Variants in AGBL4 observed in about 807,000 individuals in gnomAD.
AGBL4 encodes the protein cytosolic carboxypeptidase 6.
In AGBL4, 58 loss-of-function variants were observed where a neutral mutation model predicts 66.4. The ratio of observed to expected loss-of-function variants is 0.87; its 90% confidence interval spans 0.71 to 1.09. The LOEUF (loss-of-function observed/expected upper bound fraction) is 1.09, where lower values mean the gene tolerates loss of function less well. Ranked by LOEUF, AGBL4 falls within the 50% of genes least tolerant of loss-of-function variation. The probability of loss-of-function intolerance (pLI) is 0.00; values close to 1 mark genes in which losing one functional copy is unlikely to be tolerated. For missense variants in AGBL4, 579 were observed against 631.0 expected (o/e 0.92, Z 0.88); for synonymous variants, 234 against 222.9 (o/e 1.05, Z -0.44).
intron 4 of AGBL4, among the ~76,000 whole-genome samples, chr1:49,152,123 T>C (rs200303314): frequency 1.3e-5 from 2 of 152,194 alleles, no homozygotes; most frequent in East Asian, 3.9e-4. Context: ...TCATTCCCAC[T>C]TAATGAAAAG....
At chr1:48,584,847 T>C (rs1031421467) in intron 11 of AGBL4, 2 of 152,244 alleles carry the variant, frequency 1.3e-5, no homozygotes, top group African/African-American at 4.8e-5. Flanking sequence ...ATGTTCTCTG[T>C]TACATTCCCT....
At chr1:49,639,722 G>A (rs927990851) in intron 3 of AGBL4, among the ~76,000 whole-genome samples, 5 of 152,160 alleles carry the variant, frequency 3.3e-5, no homozygotes, top group Admixed American at 2.0e-4. Context: ...GAACAGGGGA[G>A]CAAATATGTA....
At chr1:48,692,745 T>C (rs1383799717) in intron 6 of AGBL4, among the ~76,000 whole-genome samples, 4 of 152,180 alleles carry the variant, frequency 2.6e-5, no homozygotes, top group Non-Finnish European at 5.9e-5. Flanking sequence ...CAGGTATCAG[T>C]TGTAGGCTAG....
chr1:49,420,277 G>A (rs538876605), intron 3 of AGBL4, among the ~76,000 whole-genome samples: 1 of 152,266 alleles, frequency 6.6e-6, no homozygotes, highest in East Asian at 1.9e-4. Context: ...CTATATCAAG[G>A]TATGAAATTG....
intron 2 of AGBL4, among the ~76,000 whole-genome samples, chr1:49,758,205 G>C (rs1652038095): frequency 2.0e-5 from 3 of 152,168 alleles, no homozygotes; most frequent in African/African-American, 7.2e-5. Context: ...ACTGAGCATT[G>C]GAACCTCTTC....
intron 6 of AGBL4, among the ~76,000 whole-genome samples, chr1:48,713,634 A>T (rs1342587330): frequency 6.6e-6 from 1 of 152,136 alleles, no homozygotes; most frequent in Admixed American, 6.5e-5. Flanking sequence ...CAGAGCCTGG[A>T]TCATGTGGAC....
At chr1:49,170,048 C>A (rs982874609) in intron 4 of AGBL4, among the ~76,000 whole-genome samples, 1 of 151,796 alleles carries the variant, frequency 6.6e-6, no homozygotes, top group Non-Finnish European at 1.5e-5. Flanking sequence ...ACACAACTCA[C>A]GTGATGGATG....
chr1:48,526,711 A>C, the AGBL4 span, among the ~76,000 whole-genome samples: 2 of 152,218 alleles, frequency 1.3e-5, no homozygotes, highest in African/African-American at 4.8e-5. Flanking sequence ...AAGCAGCAGT[A>C]GCAGTAATAG....
chr1:49,556,110 CAA>C (rs1367075233), intron 3 of AGBL4, among the ~76,000 whole-genome samples: 1 of 152,140 alleles, frequency 6.6e-6, no homozygotes, highest in Non-Finnish European at 1.5e-5. Context: ...CTCACAATAA[CAA>C]AGACTTGGAA....
intron 6 of AGBL4, among the ~76,000 whole-genome samples, chr1:48,711,110 C>T (rs1173259521): frequency 6.6e-6 from 1 of 152,154 alleles, no homozygotes; most frequent in East Asian, 1.9e-4. Context: ...GCAGGTGATC[C>T]ACCTCCAGGT....
chr1:49,179,980 C>A (rs185933114), intron 4 of AGBL4, among the ~76,000 whole-genome samples: 13 of 152,068 alleles, frequency 8.5e-5, no homozygotes, highest in Non-Finnish European at 1.9e-4. Flanking sequence ...CGGCTCACTG[C>A]AACCTCTGCC....
intron 6 of AGBL4, among the ~76,000 whole-genome samples, chr1:48,762,358 T>A (rs773154380): frequency 1.3e-5 from 2 of 152,220 alleles, no homozygotes; most frequent in Non-Finnish European, 2.9e-5. Flanking sequence ...TCCAGATTTG[T>A]CTCTCACTGG....
intron 3 of AGBL4, among the ~76,000 whole-genome samples, chr1:49,395,816 C>CAT (rs753086676): frequency 0.03 from 3,222 of 108,914 alleles, 52 homozygotes; most frequent in Non-Finnish European, 0.043. Context: ...TATATGTATA[C>CAT]ATATATATAT....
chr1:49,868,558 C>A (rs1460884467), intron 1 of AGBL4, among the ~76,000 whole-genome samples: 1 of 152,152 alleles, frequency 6.6e-6, no homozygotes, highest in Non-Finnish European at 1.5e-5. Flanking sequence ...TAGTCATATG[C>A]AGAAAATTGA....
At chr1:48,745,608 G>A (rs1486647660) in intron 6 of AGBL4, among the ~76,000 whole-genome samples, 1 of 152,094 alleles carries the variant, frequency 6.6e-6, no homozygotes, top group Non-Finnish European at 1.5e-5. Flanking sequence ...CTTTTGTCCA[G>A]AACATTCTAC....
chr1:48,527,431 C>T, the AGBL4 span, among the ~76,000 whole-genome samples: 1 of 151,868 alleles, frequency 6.6e-6, no homozygotes. Flanking sequence ...CCTGTCTCTA[C>T]TAAAAAAATA....
chr1:49,744,959 A>G (rs1202031730), intron 2 of AGBL4, among the ~76,000 whole-genome samples: 1 of 152,198 alleles, frequency 6.6e-6, no homozygotes, highest in East Asian at 1.9e-4. Flanking sequence ...GGTACACTAG[A>G]CTGTTTCTAA....
chr1:49,729,393 A>C (rs2124707795), intron 2 of AGBL4, among the ~76,000 whole-genome samples: 1 of 152,330 alleles, frequency 6.6e-6, no homozygotes, highest in Non-Finnish European at 1.5e-5. Context: ...CAAGATAATT[A>C]AGAAACCGAA....
intron 11 of AGBL4, among the ~76,000 whole-genome samples, chr1:48,542,858 C>T (rs867588025): frequency 2.0e-5 from 3 of 152,300 alleles, no homozygotes; most frequent in Middle Eastern, 3.4e-3. Context: ...TCCCATTTGT[C>T]AACTTTGGCT....
Sources: allele counts gnomAD v4.1 joint callset (sites outside exome capture counted in the v4.1 genomes callset), GRCh38; gene constraint gnomAD v4.1.1; transcripts MANE v1.5; gene names NCBI Gene and HGNC (gene_info 2026-07-23, HGNC 2026-07-21).